GUCY1A2: variants seen among roughly 807,000 people sequenced by gnomAD.
GUCY1A2 encodes the protein guanylate cyclase soluble subunit alpha-2.
Under a neutral mutation model 63.5 loss-of-function variants are expected in GUCY1A2, and 27 were observed. That is an observed-to-expected ratio of 0.43 (90% CI 0.31 to 0.59). The LOEUF is 0.59. GUCY1A2 is among the 20% of genes least tolerant of loss of function. The probability of loss-of-function intolerance (pLI) is 0.11; values close to 1 mark genes in which losing one functional copy is unlikely to be tolerated. For missense variants in GUCY1A2, 768 were observed against 913.3 expected (o/e 0.84, Z 2.05); for synonymous variants, 364 against 343.5 (o/e 1.06, Z -0.66).
intron 3 of GUCY1A2, among the ~76,000 whole-genome samples, chr11:106,940,476 C>G (rs931562178): frequency 2.0e-5 from 3 of 152,134 alleles, no homozygotes; most frequent in Non-Finnish European, 4.4e-5. Context: ...GCAGAAGGCA[C>G]AGTTATTTCC....
chr11:106,794,692 C>T (rs1864723236), intron 5 of GUCY1A2, among the ~76,000 whole-genome samples: 1 of 151,766 alleles, frequency 6.6e-6, no homozygotes, highest in Non-Finnish European at 1.5e-5. Context: ...ACATAAAATC[C>T]AATAAATAAA....
intron 3 of GUCY1A2, among the ~76,000 whole-genome samples, chr11:106,957,483 C>T (rs1053552991): frequency 3.3e-5 from 5 of 152,080 alleles, no homozygotes; most frequent in South Asian, 2.1e-4. Context: ...GTGGAAAAAG[C>T]AGTTTCCCTA....
chr11:106,683,434 GA>G lies in GUCY1A2; in HGVS notation c.*4114del, dbSNP rs1327989864. On this transcript the variant is annotated 3_prime_UTR_variant, in exon 8 of 8. Transcript: ENST00000526355. Reference sequence around the variant, plus strand: ...AGTGCTTGGAGTCAGACTGTGTTTTGAAGAAAGAGCAGAGGGTGAAGCTGCA... The same window carrying G: ...AGTGCTTGGAGTCAGACTGTGTTTTGAGAAAGAGCAGAGGGTGAAGCTGCA... 1 of 225,772 alleles carries G rather than the reference GA, an allele frequency of 4.4e-6. No individual in the cohort carries two copies. The highest frequency in any genetic ancestry group is 8.8e-6 in the Non-Finnish European group (1 of 113,326). The allele number at this position is 225,772 out of a possible 1,614,324, so 14.0% of individuals were successfully genotyped here.
intron 5 of GUCY1A2, among the ~76,000 whole-genome samples, chr11:106,805,539 C>G (rs114642868): frequency 0.081 from 12,392 of 152,224 alleles, 577 homozygotes; most frequent in African/African-American, 0.13. Flanking sequence ...AGCCACCGTG[C>G]CTGGCCATCA....
At chr11:107,002,515 A>G (rs1457773809) in intron 1 of GUCY1A2, among the ~76,000 whole-genome samples, 4 of 152,156 alleles carry the variant, frequency 2.6e-5, no homozygotes, top group Non-Finnish European at 4.4e-5. Flanking sequence ...ACACAAATAA[A>G]AAAACAGTTC....
intron 4 of GUCY1A2, among the ~76,000 whole-genome samples, chr11:106,828,141 C>T (rs947137740): frequency 1.3e-5 from 2 of 151,482 alleles, no homozygotes; most frequent in African/African-American, 4.9e-5. Flanking sequence ...TATTTTCTCC[C>T]GTTCTGTTGT....
chr11:106,679,854 T>A lies in GUCY1A2; in HGVS notation c.*7695A>T. The A allele has an allele frequency of 4.6e-6, 1 of 217,780 alleles. No individual in the cohort carries two copies. Among genetic ancestry groups the A allele is most frequent in the Non-Finnish European group, 9.2e-6 (1 of 108,340 alleles). 13.5% of individuals were successfully genotyped at this position (217,780 alleles called of 1,614,324 possible). Reference sequence around the variant, plus strand: ...ATCTGCCACCTTCAGAAAGCATCTATTTGTAGCTCTGTAAGCTTCTATCCC... The same window carrying A: ...ATCTGCCACCTTCAGAAAGCATCTAATTGTAGCTCTGTAAGCTTCTATCCC... On this transcript the variant is annotated 3_prime_UTR_variant, in exon 8 of 8. Transcript: ENST00000526355.
At chr11:106,984,053 T>G (rs1191860906) in intron 2 of GUCY1A2, among the ~76,000 whole-genome samples, 1 of 152,106 alleles carries the variant, frequency 6.6e-6, no homozygotes, top group Non-Finnish European at 1.5e-5. Flanking sequence ...AAAGAGGAAG[T>G]TGGACAGGAA....
At chr11:106,917,689 A>G (rs1229711664) in intron 4 of GUCY1A2, among the ~76,000 whole-genome samples, 1 of 140,698 alleles carries the variant, frequency 7.1e-6, no homozygotes, top group African/African-American at 2.5e-5. Flanking sequence ...AAACTATCAC[A>G]AGGACAAAAA....
At chr11:106,793,219 A>G (rs1007943207) in intron 5 of GUCY1A2, among the ~76,000 whole-genome samples, 1 of 152,142 alleles carries the variant, frequency 6.6e-6, no homozygotes, top group Admixed American at 6.5e-5. Context: ...AAATCTACAC[A>G]ATCTTTTACA....
At chr11:106,921,210 G>A (rs1860440068) in intron 4 of GUCY1A2, among the ~76,000 whole-genome samples, 1 of 151,940 alleles carries the variant, frequency 6.6e-6, no homozygotes, top group South Asian at 2.1e-4. Flanking sequence ...TATTTCCATA[G>A]TCACTGAATT....
At position 106,854,163 on chromosome 11, in the gene GUCY1A2, A is replaced by G. The variant is rs78939243; in HGVS notation, c.1207-43685T>C. ...GCTTGGACATTAGTGGTAGCTGAGG[A>G]GGGCCAGGTTGGCATGTGTTTGGGC... On this transcript the variant is annotated intron_variant, in intron 4 of 7. Transcript: ENST00000526355. 6.2e-3 allele frequency among the ~76,000 whole-genome samples: 944 copies of G among 152,302 alleles called. 13 individuals are homozygous for G. The highest frequency in any genetic ancestry group is 0.021 in the African/African-American group (867 of 41,558).
intron 4 of GUCY1A2, among the ~76,000 whole-genome samples, chr11:106,930,832 T>C (rs879165760): frequency 2.6e-5 from 4 of 152,212 alleles, no homozygotes; most frequent in Admixed American, 2.6e-4. Flanking sequence ...TCCCAGCACT[T>C]TGGCAAGCCA....
At position 106,752,783 on chromosome 11, in the gene GUCY1A2, A is replaced by G. The variant is rs1421148145; in HGVS notation, c.1836+23656T>C. Among the ~76,000 whole-genome samples, 53 of 152,136 alleles carry G rather than the reference A, an allele frequency of 3.5e-4. 1 individual carries two copies. Among genetic ancestry groups the G allele is most frequent in the Admixed American group, 3.5e-3 (53 of 15,278 alleles). On this transcript the variant is annotated intron_variant, in intron 6 of 7. Coordinates refer to ENST00000526355, the MANE Select transcript of GUCY1A2 (RefSeq NM_000855.3). ...ACTGATGGACATTTGGGTTGGTTCC[A>G]AGACTTTGCTATTGTGAACAGTGCC...
At chr11:106,773,650 G>C (rs1864297909) in intron 6 of GUCY1A2, among the ~76,000 whole-genome samples, 1 of 152,144 alleles carries the variant, frequency 6.6e-6, no homozygotes, top group South Asian at 2.1e-4. Flanking sequence ...ATTTCCTGCT[G>C]CTACAGATCC....
At chr11:106,766,856 C>T (rs1864173018) in intron 6 of GUCY1A2, among the ~76,000 whole-genome samples, 1 of 151,944 alleles carries the variant, frequency 6.6e-6, no homozygotes, top group South Asian at 2.1e-4. Flanking sequence ...AAGAAAGGGA[C>T]CATATGCTAA....
At chr11:107,016,277 T>C (rs184403944) in intron 1 of GUCY1A2, among the ~76,000 whole-genome samples, 1 of 152,362 alleles carries the variant, frequency 6.6e-6, no homozygotes, top group Admixed American at 6.5e-5. Flanking sequence ...GAAAGTGCTG[T>C]CAGGAGGAGC....
intron 6 of GUCY1A2, among the ~76,000 whole-genome samples, chr11:106,749,321 A>C (rs1204015919): frequency 6.6e-6 from 1 of 152,116 alleles, no homozygotes; most frequent in Non-Finnish European, 1.5e-5. Context: ...TATTGTCCAC[A>C]AGAGAAAATA....
At chr11:106,727,801 T>C (rs1387197490) in intron 6 of GUCY1A2, among the ~76,000 whole-genome samples, 1 of 152,224 alleles carries the variant, frequency 6.6e-6, no homozygotes, top group African/African-American at 2.4e-5. Context: ...GTTCCTACTT[T>C]AGCAGGGATT....
Sources: allele counts gnomAD v4.1 joint callset (sites outside exome capture counted in the v4.1 genomes callset), GRCh38; gene constraint gnomAD v4.1.1; transcripts MANE v1.5; gene names NCBI Gene and HGNC (gene_info 2026-07-23, HGNC 2026-07-21).